PGBD2: variants seen among roughly 807,000 people sequenced by gnomAD.
The protein encoded by PGBD2 is piggyBac transposable element-derived protein 2.
A neutral mutation model predicts 8.1 loss-of-function variants in PGBD2; 6 were observed. That is an observed-to-expected ratio of 0.74 (90% CI 0.40 to 1.46). PGBD2 has a LOEUF of 1.46. Ranked by LOEUF, PGBD2 falls within the 40% of genes most tolerant of loss-of-function variation. PGBD2 has a pLI of 0.02. For missense variants in PGBD2, 802 were observed against 739.0 expected (o/e 1.09, Z -0.99); for synonymous variants, 318 against 272.2 (o/e 1.17, Z -1.66).
chr1:248,908,458 C>T (rs1661738508), intron 1 of PGBD2, among the ~76,000 whole-genome samples: 1 of 151,918 alleles, frequency 6.6e-6, no homozygotes, highest in Admixed American at 6.5e-5. Context: ...CCCCGATCAG[C>T]TTTCTCCCCT....
chr1:248,908,478 C>A (rs1462442227), intron 1 of PGBD2, among the ~76,000 whole-genome samples: 1 of 152,194 alleles, frequency 6.6e-6, no homozygotes, highest in Non-Finnish European at 1.5e-5. Flanking sequence ...TGCCCTACCC[C>A]CTCAACCAAT....
the PGBD2 span, among the ~76,000 whole-genome samples, chr1:248,880,746 A>T: frequency 6.6e-6 from 1 of 152,166 alleles, no homozygotes; most frequent in African/African-American, 2.4e-5. Context: ...TTGTCAGCTT[A>T]AGGGCTTTTA....
At chr1:248,909,401 G>T (rs1489007373) in intron 1 of PGBD2, among the ~76,000 whole-genome samples, 2 of 152,144 alleles carry the variant, frequency 1.3e-5, no homozygotes, top group Non-Finnish European at 2.9e-5. Flanking sequence ...ATTTTAGTTA[G>T]GGTCAAGCAT....
the PGBD2 span, among the ~76,000 whole-genome samples, chr1:248,878,924 A>G: frequency 6.6e-6 from 1 of 152,170 alleles, no homozygotes; most frequent in African/African-American, 2.4e-5. Flanking sequence ...ATGGTCCTAT[A>G]AAATCTATCT....
At chr1:248,923,157 G>A (rs1476423551), downstream of PGBD2, among the ~76,000 whole-genome samples, 1 of 152,130 alleles carries the variant, frequency 6.6e-6, no homozygotes, top group Non-Finnish European at 1.5e-5. Context: ...TTTATTCAGG[G>A]ATTCGACTTC....
At chr1:248,907,221 G>C (rs1265633012) in intron 1 of PGBD2, among the ~76,000 whole-genome samples, 1 of 152,226 alleles carries the variant, frequency 6.6e-6, no homozygotes, top group East Asian at 1.9e-4. Context: ...ACTATGCCTG[G>C]ATGTGCACGT....
At chr1:248,892,678 T>C in the PGBD2 span, among the ~76,000 whole-genome samples, 99 of 152,360 alleles carry the variant, frequency 6.5e-4, no homozygotes, top group African/African-American at 2.2e-3. Flanking sequence ...ATTAAGAAGC[T>C]ACCTCTAAGC....
At chr1:248,885,296 G>A in the PGBD2 span, among the ~76,000 whole-genome samples, 1 of 149,358 alleles carries the variant, frequency 6.7e-6, no homozygotes. Flanking sequence ...CACGATGTCT[G>A]GCTACTTTTT....
the PGBD2 span, among the ~76,000 whole-genome samples, chr1:248,884,522 T>G: frequency 6.6e-6 from 1 of 152,162 alleles, no homozygotes; most frequent in Non-Finnish European, 1.5e-5. Context: ...AATTTTTGTA[T>G]TTTTAGTAGA....
intron 2 of PGBD2, chr1:248,914,664 G>A: frequency 8.4e-7 from 1 of 1,189,094 alleles, no homozygotes; most frequent in Non-Finnish European, 1.1e-6. Context: ...GGAAGCTGCA[G>A]GGACCTCTGT....
the PGBD2 span, among the ~76,000 whole-genome samples, chr1:248,874,919 T>TAGAG: frequency 6.8e-6 from 1 of 147,296 alleles, no homozygotes; most frequent in Non-Finnish European, 1.5e-5. Flanking sequence ...GATAGATAGA[T>TAGAG]AGATAGATAG....
downstream of PGBD2, among the ~76,000 whole-genome samples, chr1:248,923,899 C>T (rs552245484): frequency 6.6e-6 from 1 of 152,180 alleles, no homozygotes; most frequent in South Asian, 2.1e-4. Flanking sequence ...TTCTCTGGAC[C>T]AGCTACCAAG....
At position 248,918,280 on chromosome 1, in the gene PGBD2, T is replaced by G. The variant is rs779881194; in HGVS notation, c.1696T>G (p.Cys566Gly). The G allele has an allele frequency of 5.0e-6, 8 of 1,607,772 alleles. No individual in the cohort carries two copies. The Admixed American group carries it at 5.0e-5, about 10-fold the overall frequency. The change falls in exon 3 of 3, where the codon TGC (cysteine) becomes GGC (glycine). Residue 566 changes from cysteine (C) to glycine (G), a missense_variant. By Grantham distance (159) the Cys-to-Gly change is radical. Coordinates refer to ENST00000329291, the MANE Select transcript of PGBD2 (RefSeq NM_170725.3). ...HQDKRTRCALCHSQTNTRCEK... is the reference protein window; with the variant it reads ...HQDKRTRCALGHSQTNTRCEK... The stretch of plus-strand genomic sequence containing the variant: ...GGACAAGAGGACCCGGTGTGCCCTC[T>G]GCCACTCACAGACCAACACCCGGTG...
the PGBD2 span, among the ~76,000 whole-genome samples, chr1:248,876,045 G>C: frequency 2.3e-4 from 31 of 135,316 alleles, no homozygotes; most frequent in Non-Finnish European, 4.3e-4. Flanking sequence ...TTTTACTCTT[G>C]TTGCCCAGGC....
At chr1:248,908,611 T>C (rs1661747672) in intron 1 of PGBD2, among the ~76,000 whole-genome samples, 2 of 152,136 alleles carry the variant, frequency 1.3e-5, no homozygotes, top group South Asian at 2.1e-4. Flanking sequence ...GGGGCCTGCA[T>C]ACTCAGTTGT....
At chr1:248,886,416 A>G in the PGBD2 span, among the ~76,000 whole-genome samples, 1 of 152,222 alleles carries the variant, frequency 6.6e-6, no homozygotes, top group South Asian at 2.1e-4. Context: ...AGTACAAGAG[A>G]TTAATTACTT....
At chr1:248,876,464 C>T in the PGBD2 span, among the ~76,000 whole-genome samples, 6,564 of 152,232 alleles carry the variant, frequency 0.043, 390 homozygotes, top group African/African-American at 0.13. Context: ...TCTTAAGCAA[C>T]GTATCTTATT....
the PGBD2 span, among the ~76,000 whole-genome samples, chr1:248,878,255 C>T: frequency 6.6e-6 from 1 of 151,784 alleles, no homozygotes; most frequent in Non-Finnish European, 1.5e-5. Flanking sequence ...TCTCGGCTCA[C>T]TGCAAGCTCC....
intron 1 of PGBD2, among the ~76,000 whole-genome samples, chr1:248,911,532 C>A (rs1402343367): frequency 6.9e-6 from 1 of 144,632 alleles, no homozygotes; most frequent in South Asian, 2.1e-4. Flanking sequence ...TACACAGACA[C>A]GGCAACCATC....
Sources: gnomAD v4.1 joint callset for allele counts (sites outside exome capture counted in the v4.1 genomes callset) on GRCh38, gnomAD v4.1.1 for gene constraint, MANE v1.5 for transcripts, NCBI Gene and HGNC (gene_info 2026-07-23, HGNC 2026-07-21) for gene names.